EPHB1: variants seen among roughly 807,000 people sequenced by gnomAD.
EPHB1 encodes EPH receptor B1, also known as ephrin type-B receptor 1.
Under a neutral mutation model 94.4 loss-of-function variants are expected in EPHB1, and 30 were observed. That is an observed-to-expected ratio of 0.32 (90% CI 0.24 to 0.43). EPHB1 has a LOEUF of 0.43. EPHB1 is among the 20% of genes least tolerant of loss of function. The probability of loss-of-function intolerance (pLI) is 1.00; values close to 1 mark genes in which losing one functional copy is unlikely to be tolerated. For synonymous variants in EPHB1, 522 were observed against 489.1 expected, an observed-to-expected ratio of 1.07 and a Z score of -0.89; for missense variants, 1,055 against 1,308.3, an observed-to-expected ratio of 0.81 and a Z score of 2.99.
chr3:134,959,091 A>G (rs188713890), intron 3 of EPHB1, among the ~76,000 whole-genome samples: 4 of 152,264 alleles, frequency 2.6e-5, no homozygotes, highest in African/African-American at 9.6e-5. Flanking sequence ...CTTAATATAT[A>G]TGTATTATCA....
At chr3:135,152,099 T>C (rs565509727) in intron 5 of EPHB1, among the ~76,000 whole-genome samples, 1 of 152,224 alleles carries the variant, frequency 6.6e-6, no homozygotes, top group Non-Finnish European at 1.5e-5. Context: ...GAACATGGTC[T>C]CATTTGGAAA....
At chr3:135,163,266 T>C (rs781472628) in intron 7 of EPHB1, among the ~76,000 whole-genome samples, 4 of 152,164 alleles carry the variant, frequency 2.6e-5, no homozygotes, top group Non-Finnish European at 5.9e-5. Context: ...TGTGAAAAAA[T>C]TGTAAGAGAA....
chr3:135,161,612 G>A (rs1941508519), intron 6 of EPHB1, among the ~76,000 whole-genome samples: 1 of 152,206 alleles, frequency 6.6e-6, no homozygotes, highest in South Asian at 2.1e-4. Flanking sequence ...ACAAAGAGAG[G>A]CAGGCAGGGG....
In EPHB1 at chr3:134,919,984, G is replaced by A. The variant is rs566433631; in HGVS notation, c.59-5832G>A. Among the ~76,000 whole-genome samples the A allele has an allele frequency of 5.3e-5, 8 of 152,168 alleles. No homozygotes were observed. In the East Asian group the frequency reaches 1.4e-3, roughly 26 times the overall value. The stretch of plus-strand genomic sequence containing the variant: ...GGAGGAAGTTCCAGCTGCCTACCAG[G>A]CTCCATACATCTGCCATTTTATTCC... On this transcript the variant is annotated intron_variant, in intron 1 of 15. Coordinates refer to ENST00000398015, the MANE Select transcript of EPHB1 (RefSeq NM_004441.5).
At chr3:135,111,399 T>C (rs1458741897) in intron 4 of EPHB1, among the ~76,000 whole-genome samples, 2 of 152,192 alleles carry the variant, frequency 1.3e-5, no homozygotes, top group Non-Finnish European at 2.9e-5. Flanking sequence ...TTGGGTCATA[T>C]TCCTCTGTCC....
intron 3 of EPHB1, among the ~76,000 whole-genome samples, chr3:135,041,054 G>A (rs555654634): frequency 6.6e-6 from 1 of 152,250 alleles, no homozygotes; most frequent in South Asian, 2.1e-4. Context: ...GTGGTGGAAA[G>A]TTCCCTGCTG....
chr3:135,091,854 G>A (rs1190697599), intron 3 of EPHB1, among the ~76,000 whole-genome samples: 2 of 152,284 alleles, frequency 1.3e-5, no homozygotes, highest in Non-Finnish European at 2.9e-5. Context: ...GTGTGCCCTC[G>A]TAGCCAGCCT....
chr3:135,154,968 A>G (rs1047737669), intron 6 of EPHB1, among the ~76,000 whole-genome samples: 2 of 152,130 alleles, frequency 1.3e-5, no homozygotes, highest in Non-Finnish European at 2.9e-5. Context: ...TTCCGTTTTA[A>G]CCCAACACAT....
chr3:135,128,608 C>A (rs1470701352), intron 4 of EPHB1, among the ~76,000 whole-genome samples: 1 of 152,210 alleles, frequency 6.6e-6, no homozygotes, highest in African/African-American at 2.4e-5. Flanking sequence ...AGGAGGCCAT[C>A]TGAGCCCTGG....
At chr3:134,929,002 A>T (rs2038852791) in intron 2 of EPHB1, among the ~76,000 whole-genome samples, 1 of 152,174 alleles carries the variant, frequency 6.6e-6, no homozygotes, top group South Asian at 2.1e-4. Flanking sequence ...ATGGTTTCAG[A>T]GGGGCCCAGC....
At chr3:135,061,245 G>A (rs997195324) in intron 3 of EPHB1, among the ~76,000 whole-genome samples, 4 of 152,026 alleles carry the variant, frequency 2.6e-5, no homozygotes, top group African/African-American at 9.7e-5. Flanking sequence ...AGTATACACG[G>A]CATCCTATTT....
chr3:135,083,788 A>G (rs1938244190), intron 3 of EPHB1, among the ~76,000 whole-genome samples: 1 of 152,138 alleles, frequency 6.6e-6, no homozygotes, highest in African/African-American at 2.4e-5. Flanking sequence ...CCTGCATATT[A>G]AAAATAATAG....
chr3:134,952,753 T>G (rs957288789), intron 3 of EPHB1, among the ~76,000 whole-genome samples: 7 of 152,214 alleles, frequency 4.6e-5, no homozygotes, highest in Non-Finnish European at 8.8e-5. Flanking sequence ...CAGGATACTG[T>G]GTGCTCATAT....
chr3:134,844,134 G>T (rs556129358), intron 1 of EPHB1, among the ~76,000 whole-genome samples: 1 of 152,298 alleles, frequency 6.6e-6, no homozygotes, highest in East Asian at 1.9e-4. Context: ...GACCACTTTT[G>T]TGTTGGTTCA....
intron 4 of EPHB1, among the ~76,000 whole-genome samples, chr3:135,120,395 T>C (rs1462148512): frequency 1.3e-5 from 2 of 152,220 alleles, no homozygotes; most frequent in Non-Finnish European, 1.5e-5. Context: ...AGGTTATGAT[T>C]ATTAACAGAT....
intron 3 of EPHB1, among the ~76,000 whole-genome samples, chr3:135,105,147 T>A (rs748855722): frequency 6.6e-6 from 1 of 152,190 alleles, no homozygotes; most frequent in Non-Finnish European, 1.5e-5. Context: ...TGCTGCACTT[T>A]CCAGGAGGGA....
intron 3 of EPHB1, among the ~76,000 whole-genome samples, chr3:135,092,418 T>G (rs181957777): frequency 5.9e-4 from 90 of 152,296 alleles, no homozygotes; most frequent in African/African-American, 2.1e-3. Flanking sequence ...TGGCTGCTGG[T>G]AGGGTGCTTC....
At chr3:134,897,939 G>C (rs1041862499) in intron 1 of EPHB1, among the ~76,000 whole-genome samples, 3 of 152,218 alleles carry the variant, frequency 2.0e-5, no homozygotes, top group East Asian at 1.9e-4. Context: ...AGCCCAAGCT[G>C]TATGTGGAGT....
chr3:135,105,005 T>A (rs1325610381), intron 3 of EPHB1, among the ~76,000 whole-genome samples: 1 of 152,234 alleles, frequency 6.6e-6, no homozygotes, highest in Non-Finnish European at 1.5e-5. Flanking sequence ...TGGTAACTTT[T>A]GTAACCTCTC....
Sources: gnomAD v4.1 joint callset for allele counts (sites outside exome capture counted in the v4.1 genomes callset) on GRCh38, gnomAD v4.1.1 for gene constraint, MANE v1.5 for transcripts, NCBI Gene and HGNC (gene_info 2026-07-23, HGNC 2026-07-21) for gene names.